Variants in TSNAX observed in about 807,000 individuals in gnomAD.
The protein encoded by TSNAX is translin-associated protein X.
Under a neutral mutation model 33.0 loss-of-function variants are expected in TSNAX, and 12 were observed. The observed-to-expected ratio is 0.36, with a 90% CI of 0.23 to 0.59. The LOEUF is 0.59. TSNAX is among the 20% of genes least tolerant of loss of function. The pLI is 0.74. For missense variants in TSNAX, 267 were observed against 341.3 expected, an observed-to-expected ratio of 0.78 and a Z score of 1.72; for synonymous variants, 110 against 117.2, an observed-to-expected ratio of 0.94 and a Z score of 0.40.
intron 4 of TSNAX, 83 bp downstream of exon 4, chr1:231,542,694 T>C: frequency 7.2e-7 from 1 of 1,398,080 alleles, no homozygotes; most frequent in Non-Finnish European, 9.8e-7. Flanking sequence ...GAATTTTAAG[T>C]GACACCTGAT....
At chr1:231,552,066 T>C (rs925331328) in intron 4 of TSNAX, among the ~76,000 whole-genome samples, 58 of 152,034 alleles carry the variant, frequency 3.8e-4, no homozygotes, top group African/African-American at 1.4e-3. Flanking sequence ...GAGGCCAAGG[T>C]GGGCGAATCA....
chr1:231,543,580 G>T (rs1226220029), intron 4 of TSNAX, among the ~76,000 whole-genome samples: 2 of 152,156 alleles, frequency 1.3e-5, no homozygotes, highest in Admixed American at 6.5e-5. Context: ...TTTGCAGGAA[G>T]ACTGGGAAAT....
At chr1:231,537,377 A>C in intron 3 of TSNAX, 50 bp downstream of exon 3, 2 of 1,214,156 alleles carry the variant, frequency 1.6e-6, no homozygotes, top group South Asian at 2.7e-5. Flanking sequence ...AGCTATTAGA[A>C]TATTCTGTGA....
chr1:231,532,627 G>T (rs566427549), intron 2 of TSNAX, among the ~76,000 whole-genome samples: 1 of 151,778 alleles, frequency 6.6e-6, no homozygotes, highest in East Asian at 1.9e-4. Context: ...ATTAATATAT[G>T]TGGTTAAAGT....
In TSNAX at chr1:231,528,684, T is replaced by C. The variant is rs1658424290; in HGVS notation, c.-127T>C. Reference sequence around the variant, plus strand: ...GAGGAGACTTCCGGCCACTGCGTTGTAGTCGGCCCGGCTGCAAAGCGTTTT... The same window carrying C: ...GAGGAGACTTCCGGCCACTGCGTTGCAGTCGGCCCGGCTGCAAAGCGTTTT... On this transcript the variant is annotated 5_prime_UTR_variant, in exon 1 of 6. Coordinates refer to ENST00000366639, the MANE Select transcript of TSNAX (RefSeq NM_005999.3). 2 of 1,064,560 alleles carry C rather than the reference T, an allele frequency of 1.9e-6. No homozygotes were observed. Among genetic ancestry groups the C allele is most frequent in the Non-Finnish European group, 2.8e-6 (2 of 703,718 alleles). The allele number at this position is 1,064,560 out of a possible 1,614,324, so 65.9% of individuals were successfully genotyped here. A position where few individuals can be genotyped will look rare whatever the true frequency, so the allele number is the denominator to read the frequency against.
intron 5 of TSNAX, among the ~76,000 whole-genome samples, 157 bp from the exon 6 acceptor site, chr1:231,564,371 C>A (rs1661297452): frequency 1.3e-5 from 2 of 152,150 alleles, no homozygotes; most frequent in Non-Finnish European, 2.9e-5. Flanking sequence ...TTAAGCAAAA[C>A]AGATTTATTT....
rs746511079 is a variant in TSNAX at position 231,561,204 on chromosome 1, T to C, written c.444T>C (p.Ile148=). The C allele has an allele frequency of 5.9e-5, 94 of 1,591,102 alleles. No homozygotes were observed. The highest frequency in any genetic ancestry group is 7.4e-5 in the Non-Finnish European group (86 of 1,162,200). ...KTRSLISMDE[I]NKQLIFTTED... The stretch of plus-strand genomic sequence containing the variant: ...GATCATTAATTAGTATGGATGAAAT[T>C]AATAAACAATTGATATTTACGACTG... The change falls in exon 5 of 6, where the codon ATT becomes ATC. Residue 148 remains isoleucine (I), a synonymous_variant. Transcript: ENST00000366639.
Position 231,542,355 on chromosome 1 carries a change from A to G in TSNAX, c.237-126A>G. ...GTTCTCCATACTATGAATAGTTTTG[A>G]GTAGTTTTGAGTTAGAAGTATATGA... On this transcript the variant is annotated intron_variant, in intron 3 of 5. Coordinates refer to ENST00000366639, the MANE Select transcript of TSNAX (RefSeq NM_005999.3). 4 of 867,834 alleles carry G rather than the reference A, an allele frequency of 4.6e-6. No individual in the cohort carries two copies. The South Asian group carries it at 8.3e-5, about 18-fold the overall frequency. 53.8% of individuals were successfully genotyped at this position (867,834 alleles called of 1,614,324 possible).
rs1292029711 is a variant in TSNAX, at chr1:231,559,986, T to A, written c.368-1142T>A. ...CAAATTATTATTATTATTATTATTATTTTTTTTTTTTTGCGACGAGTCTCG... is the reference window on the plus strand; with the variant it reads ...CAAATTATTATTATTATTATTATTAATTTTTTTTTTTTGCGACGAGTCTCG... On this transcript the variant is annotated intron_variant, in intron 4 of 5. Transcript: ENST00000366639. Among the ~76,000 whole-genome samples, 4 of 132,470 alleles carry A rather than the reference T, an allele frequency of 3.0e-5. No homozygotes were observed. In the East Asian group the frequency reaches 6.1e-4, roughly 20 times the overall value. 86.9% of individuals were successfully genotyped at this position (132,470 alleles called of 152,430 possible).
At chr1:231,534,240 A>G (rs1341173802) in intron 2 of TSNAX, 3 of 152,152 alleles carry the variant, frequency 2.0e-5, no homozygotes, top group Admixed American at 2.0e-4. Context: ...TTTTGGGGGT[A>G]TTGCAAGGGA....
In TSNAX at chr1:231,565,891, TA is replaced by T. The variant is rs1558142195; in HGVS notation, c.*988del. Reference sequence around the variant, plus strand: ...TCTCCATTTATTTTTTGTTTTTTTTTAATCACAGTAGGTCTGATAGAGAATT... The same window carrying T: ...TCTCCATTTATTTTTTGTTTTTTTTTATCACAGTAGGTCTGATAGAGAATT... On this transcript the variant is annotated 3_prime_UTR_variant, in exon 6 of 6. Coordinates refer to ENST00000366639, the MANE Select transcript of TSNAX (RefSeq NM_005999.3). 6.6e-6 allele frequency: 1 copy of T among 152,144 alleles called. No individual in the cohort carries two copies. The highest frequency in any genetic ancestry group is 2.4e-5 in the African/African-American group (1 of 41,450). The allele number at this position is 152,144 out of a possible 1,614,324, so 9.4% of individuals were successfully genotyped here.
intron 2 of TSNAX, among the ~76,000 whole-genome samples, chr1:231,532,945 A>G (rs1023612025): frequency 2.6e-5 from 4 of 152,234 alleles, no homozygotes; most frequent in Non-Finnish European, 2.9e-5. Context: ...TTGTATTCTA[A>G]GAAAATTAAA....
At position 231,531,766 on chromosome 1, in the gene TSNAX, T is replaced by A. The variant is rs946008886; in HGVS notation, c.121+2407T>A. On this transcript the variant is annotated intron_variant, in intron 2 of 5. Coordinates refer to ENST00000366639, the MANE Select transcript of TSNAX (RefSeq NM_005999.3). ...ATAGGCCAGGCAGCTTGCGGGGCTG[T>A]GGAGTGAAAAGACTTGGGAAATAAA... Among the ~76,000 whole-genome samples, 13 of 152,126 alleles carry A rather than the reference T, an allele frequency of 8.5e-5. 1 individual carries two copies. The highest frequency in any genetic ancestry group is 5.8e-4 in the East Asian group (3 of 5,186).
At chr1:231,529,228 C>A (rs775636681) in intron 1 of TSNAX, 27 bp from the exon 2 acceptor site, 1 of 1,604,428 alleles carries the variant, frequency 6.2e-7, no homozygotes, top group East Asian at 2.2e-5. Flanking sequence ...ATGGAAGATC[C>A]CTCTCTTTTT....
chr1:231,558,536 G>A lies in TSNAX; in HGVS notation c.368-2592G>A, dbSNP rs200509604. ...TTAACTTTAAAAAATTTTTTTTGCT[G>A]TAGTGACAAACATCCTTATATGTAA... is the stretch of plus-strand genomic sequence containing the variant. On this transcript the variant is annotated intron_variant, in intron 4 of 5. Transcript: ENST00000366639. Among the ~76,000 whole-genome samples, 77 of 152,232 alleles carry A rather than the reference G, an allele frequency of 5.1e-4. 1 individual carries two copies. The highest frequency in any genetic ancestry group is 1.2e-3 in the Admixed American group (19 of 15,300).
chr1:231,561,099 C>T, intron 4 of TSNAX, 29 bp from the exon 5 acceptor site: 1 of 1,597,530 alleles, frequency 6.3e-7, no homozygotes, highest in Non-Finnish European at 8.5e-7. Flanking sequence ...AGTGCTTATT[C>T]TTAGTAATTT....
chr1:231,530,024 T>G (rs1323121933), intron 2 of TSNAX, among the ~76,000 whole-genome samples: 1 of 152,222 alleles, frequency 6.6e-6, no homozygotes, highest in Non-Finnish European at 1.5e-5. Context: ...CAGCTGTTGA[T>G]AGTTTAGGCC....
rs1658803104 is a variant in TSNAX at position 231,532,196 on chromosome 1, T to C, written c.121+2837T>C. Among the ~76,000 whole-genome samples the C allele has an allele frequency of 4.8e-5, 4 of 83,378 alleles. No homozygotes were observed. The South Asian group carries it at 1.8e-3, about 38-fold the overall frequency. 54.7% of individuals were successfully genotyped at this position (83,378 alleles called of 152,430 possible). A position where few individuals can be genotyped will look rare whatever the true frequency, so the allele number is the denominator to read the frequency against. On this transcript the variant is annotated intron_variant, in intron 2 of 5. Coordinates refer to ENST00000366639, the MANE Select transcript of TSNAX (RefSeq NM_005999.3). ...CACACACACACACACAGTTTTGGTT[T>C]TTTTTTTTTTTTGGAGACAACGCCT... is the stretch of plus-strand genomic sequence containing the variant.
At chr1:231,553,966 G>T (rs941314592) in intron 4 of TSNAX, among the ~76,000 whole-genome samples, 5 of 152,098 alleles carry the variant, frequency 3.3e-5, no homozygotes, top group Admixed American at 6.6e-5. Context: ...GATTACAGGC[G>T]TGAGCCACCA....
Sources: allele counts gnomAD v4.1 joint callset (sites outside exome capture counted in the v4.1 genomes callset), GRCh38; gene constraint gnomAD v4.1.1; transcripts MANE v1.5; gene names NCBI Gene and HGNC (gene_info 2026-07-23, HGNC 2026-07-21).